Variants in PPFIA1 observed in about 807,000 individuals in gnomAD.
PPFIA1 encodes liprin-alpha-1.
In PPFIA1, 25 loss-of-function variants were observed where a neutral mutation model predicts 149.9. The ratio of observed to expected loss-of-function variants is 0.17; its 90% CI spans 0.12 to 0.23. The LOEUF is 0.23. PPFIA1 is among the 10% of genes least tolerant of loss of function. PPFIA1 has a pLI of 1.00. For synonymous variants in PPFIA1, 549 were observed against 552.8 expected (o/e 0.99, Z 0.10); for missense variants, 1,362 against 1,506.5 (o/e 0.90, Z 1.59).
chr11:70,321,773 G>A (rs982634401), intron 2 of PPFIA1, among the ~76,000 whole-genome samples: 3 of 152,262 alleles, frequency 2.0e-5, no homozygotes, highest in Admixed American at 1.3e-4. Flanking sequence ...ACAAGATGGA[G>A]GGGCACAATG....
chr11:70,336,475 C>T (rs1197209182), intron 11 of PPFIA1, among the ~76,000 whole-genome samples: 1 of 147,696 alleles, frequency 6.8e-6, no homozygotes, highest in African/African-American at 2.5e-5. Flanking sequence ...GTACTTCATT[C>T]AGCCTGTGTG....
chr11:70,319,004 C>T (rs146258414), intron 2 of PPFIA1, among the ~76,000 whole-genome samples: 133 of 152,346 alleles, frequency 8.7e-4, no homozygotes, highest in African/African-American at 3.0e-3. Flanking sequence ...CTCTACAACA[C>T]ACCCAAAAAC....
Position 70,357,867 on chromosome 11 carries a change from G to A in PPFIA1, c.2582+1613G>A, listed in dbSNP as rs185810771. On this transcript the variant is annotated intron_variant, in intron 19 of 27. Coordinates refer to ENST00000253925, the MANE Select transcript of PPFIA1 (RefSeq NM_003626.5). Reference sequence around the variant, plus strand: ...CTCCCAAAGTGCTGGGATTACAGGCGTGAGCCACCGCGCCCAGCCAAGAAT... The same window carrying A: ...CTCCCAAAGTGCTGGGATTACAGGCATGAGCCACCGCGCCCAGCCAAGAAT... 6.6e-5 allele frequency among the ~76,000 whole-genome samples: 10 copies of A among 152,300 alleles called. No individual in the cohort carries two copies. The East Asian group carries it at 1.4e-3, about 21-fold the overall frequency.
At chr11:70,319,852 A>C (rs780049816) in intron 2 of PPFIA1, 10 of 152,168 alleles carry the variant, frequency 6.6e-5, no homozygotes, top group Non-Finnish European at 1.5e-4. Flanking sequence ...AGAGGCTCTC[A>C]CTGGCTATAC....
Position 70,372,555 on chromosome 11 carries a change from AAGTC to A in PPFIA1, c.3123_3126del (p.Ser1041ArgfsTer4). On this transcript the variant is annotated frameshift_variant, in exon 23 of 28. Coordinates refer to ENST00000253925, the MANE Select transcript of PPFIA1 (RefSeq NM_003626.5). LOFTEE classifies it high-confidence loss of function. The stretch of plus-strand genomic sequence containing the variant: ...AAGAACTGGAAAGAAAAAGAGAAGA[AAGTC>A]AGAGTGAAATAAAAGGTTAGTACAT... The A allele has an allele frequency of 6.2e-7, 1 of 1,612,054 alleles. No homozygotes were observed. The highest frequency in any genetic ancestry group is 2.2e-5 in the East Asian group (1 of 44,868).
intron 2 of PPFIA1, among the ~76,000 whole-genome samples, chr11:70,295,926 G>A (rs1195831226): frequency 1.3e-5 from 2 of 151,778 alleles, no homozygotes; most frequent in South Asian, 4.2e-4. Context: ...CTTCTCAGAC[G>A]GGGCGGTTGC....
chr11:70,343,601 G>A (rs1031052835), intron 14 of PPFIA1, 68 bp from the exon 15 acceptor site: 8 of 1,407,476 alleles, frequency 5.7e-6, no homozygotes, highest in East Asian at 4.6e-5. Flanking sequence ...CTAAATTTCC[G>A]ATAGATTTAT....
intron 2 of PPFIA1, among the ~76,000 whole-genome samples, chr11:70,292,831 G>A (rs540487614): frequency 6.6e-6 from 1 of 152,324 alleles, no homozygotes; most frequent in Admixed American, 6.5e-5. Flanking sequence ...TTCTTCAACT[G>A]CATGAAAAAG....
intron 19 of PPFIA1, among the ~76,000 whole-genome samples, chr11:70,356,770 A>G (rs2056382094): frequency 6.6e-6 from 1 of 152,214 alleles, no homozygotes; most frequent in Non-Finnish European, 1.5e-5. Context: ...TTTGCTCTTC[A>G]TACTGCTGGT....
chr11:70,374,366 CAAGAAA>C (rs1034922581), intron 23 of PPFIA1: 3 of 151,570 alleles, frequency 2.0e-5, no homozygotes, highest in African/African-American at 7.3e-5. Context: ...AGGACATTGT[CAAGAAA>C]AAGAGAGGAA....
At chr11:70,310,385 C>CTTTTTTTTTTTTT (rs754099737) in intron 2 of PPFIA1, among the ~76,000 whole-genome samples, 1 of 132,178 alleles carries the variant, frequency 7.6e-6, no homozygotes. Flanking sequence ...CATCCATGTA[C>CTTTTTTTTTTTTT]TTTTTTTTTT....
chr11:70,289,373 C>T (rs2051371573), intron 2 of PPFIA1, among the ~76,000 whole-genome samples: 1 of 152,034 alleles, frequency 6.6e-6, no homozygotes, highest in African/African-American at 2.4e-5. Context: ...AAAGTTTTTT[C>T]CCCTTATTTT....
In PPFIA1 at chr11:70,348,215, C is replaced by G. The variant is rs767937636; in HGVS notation, c.1958C>G (p.Thr653Arg). 43 of 1,614,066 alleles carry G rather than the reference C, an allele frequency of 2.7e-5. 1 individual carries two copies. In the South Asian group the frequency reaches 4.3e-4, roughly 16 times the overall value. The change falls in exon 16 of 28, where the codon ACA (threonine) becomes AGA (arginine). Residue 653 changes from threonine (T) to arginine (R), a missense_variant. Physicochemically the swap from Thr to Arg is moderately conservative, Grantham distance 71 (BLOSUM62 -1). Coordinates refer to ENST00000253925, the MANE Select transcript of PPFIA1 (RefSeq NM_003626.5). Reference protein sequence around the residue: ...IRLIQEEKENTEQRAEEIESR... With the variant: ...IRLIQEEKENREQRAEEIESR... ...TTGATTCAGGAAGAAAAAGAAAATA[C>G]AGAGCAGCGGGCAGAGGAGATTGAA...
At chr11:70,325,403 A>C in intron 4 of PPFIA1, 97 bp from the exon 5 acceptor site, 5 of 688,858 alleles carry the variant, frequency 7.3e-6, no homozygotes, top group Non-Finnish European at 1.2e-5. Flanking sequence ...TTACACTAAT[A>C]TATACATTAA....
intron 16 of PPFIA1, chr11:70,351,117 G>A: frequency 3.4e-6 from 2 of 594,690 alleles, no homozygotes; most frequent in Non-Finnish European, 4.5e-6. Context: ...TTATGTAGTT[G>A]TATAATAATG....
intron 2 of PPFIA1, among the ~76,000 whole-genome samples, chr11:70,273,425 G>A (rs1186113597): frequency 2.0e-5 from 3 of 152,178 alleles, no homozygotes; most frequent in Admixed American, 1.3e-4. Context: ...TGAGTGGCAC[G>A]GGGCATAGTG....
At chr11:70,358,911 C>A (rs7128969) in intron 19 of PPFIA1, among the ~76,000 whole-genome samples, 26,702 of 152,102 alleles carry the variant, frequency 0.18, 3,046 homozygotes, top group African/African-American at 0.31. Context: ...CCCCAGCGTT[C>A]TTGAAACACC....
rs1205576513 is a variant in PPFIA1, at chr11:70,330,422, AGTTTT to A, written c.1077+104_1077+108del. 213 of 1,023,030 alleles carry A rather than the reference AGTTTT, an allele frequency of 2.1e-4. 1 individual carries two copies. In the African/African-American group the frequency reaches 2.9e-3, roughly 14 times the overall value. The allele number at this position is 1,023,030 out of a possible 1,614,324, so 63.4% of individuals were successfully genotyped here. A position where few individuals can be genotyped will look rare whatever the true frequency, so the allele number is the denominator to read the frequency against. On this transcript the variant is annotated intron_variant, in intron 8 of 27. Coordinates refer to ENST00000253925, the MANE Select transcript of PPFIA1 (RefSeq NM_003626.5). The stretch of plus-strand genomic sequence containing the variant: ...TGTTGGAAATCAAGTCCAAATATCA[AGTTTT>A]TATGACCTTAGAATATTATGTTCAA...
chr11:70,290,417 A>G (rs547093856), intron 2 of PPFIA1, among the ~76,000 whole-genome samples: 2 of 152,310 alleles, frequency 1.3e-5, no homozygotes, highest in East Asian at 3.9e-4. Context: ...TCCTGGAGCA[A>G]TTAGTGACAG....
Sources: allele counts gnomAD v4.1 joint callset (sites outside exome capture counted in the v4.1 genomes callset), GRCh38; gene constraint gnomAD v4.1.1; transcripts MANE v1.5; gene names NCBI Gene and HGNC (gene_info 2026-07-23, HGNC 2026-07-21).